Variants in GRIN3A observed in about 807,000 individuals in gnomAD.
The protein encoded by GRIN3A is glutamate ionotropic receptor NMDA type subunit 3A.
Under a neutral mutation model 92.4 loss-of-function variants are expected in GRIN3A, and 47 were observed. The observed-to-expected ratio is 0.51, with a 90% CI of 0.40 to 0.65. The LOEUF (loss-of-function observed/expected upper bound fraction) is 0.65. Ranked by LOEUF, GRIN3A falls within the 30% of genes least tolerant of loss-of-function variation. The probability of loss-of-function intolerance (pLI) is 0.00; values close to 1 mark genes in which losing one functional copy is unlikely to be tolerated. For missense variants in GRIN3A, 1,324 were observed against 1,393.1 expected, an observed-to-expected ratio of 0.95 and a Z score of 0.79; for synonymous variants, 527 against 540.6, an observed-to-expected ratio of 0.97 and a Z score of 0.35.
At chr9:101,625,300 C>A (rs1241527381) in intron 4 of GRIN3A, among the ~76,000 whole-genome samples, 4 of 152,176 alleles carry the variant, frequency 2.6e-5, no homozygotes, top group African/African-American at 9.7e-5. Flanking sequence ...CTCAGTCCTT[C>A]CTCTCTTAGA....
chr9:101,620,509 A>C (rs1192684304), intron 5 of GRIN3A, among the ~76,000 whole-genome samples: 3 of 152,176 alleles, frequency 2.0e-5, no homozygotes, highest in Non-Finnish European at 4.4e-5. Flanking sequence ...GTGACAGTAC[A>C]TTCAGCATGA....
rs553697844 is a variant in GRIN3A, at chr9:101,649,715, G to C, written c.2352+20345C>G. On this transcript the variant is annotated intron_variant, in intron 3 of 8. Transcript: ENST00000361820. ...TATTCAGGGAGGTATTCTTGTTTTT[G>C]AATAGTTTCTAGCTGTATTTTTGTT... Among the ~76,000 whole-genome samples, 65 of 152,096 alleles carry C rather than the reference G, an allele frequency of 4.3e-4. 1 individual carries two copies. In the Middle Eastern group the frequency reaches 0.01, roughly 24 times the overall value.
At chr9:101,640,692 G>A (rs1375283594) in intron 3 of GRIN3A, among the ~76,000 whole-genome samples, 5 of 152,176 alleles carry the variant, frequency 3.3e-5, no homozygotes, top group Non-Finnish European at 5.9e-5. Context: ...AATCATGGGA[G>A]TGGGTCTTTC....
At position 101,691,385 on chromosome 9, in the gene GRIN3A, G is replaced by A. The variant is rs537725105; in HGVS notation, c.700-4185C>T. On this transcript the variant is annotated intron_variant, in intron 1 of 8. Transcript: ENST00000361820. ...ATAATAGGGTCCAGCAAAACTAGGA[G>A]AGGAAGAAGAAACTAGGAAATATTA... 2.6e-5 allele frequency among the ~76,000 whole-genome samples: 4 copies of A among 152,240 alleles called. No homozygotes were observed. In the East Asian group the frequency reaches 5.8e-4, roughly 22 times the overall value.
chr9:101,720,476 C>T (rs1429095050), intron 1 of GRIN3A, among the ~76,000 whole-genome samples: 8 of 152,144 alleles, frequency 5.3e-5, no homozygotes, highest in Non-Finnish European at 1.0e-4. Context: ...CCTCCCGACT[C>T]CATATCCCCT....
chr9:101,674,873 G>C (rs541594029), intron 2 of GRIN3A, among the ~76,000 whole-genome samples: 7 of 152,062 alleles, frequency 4.6e-5, no homozygotes, highest in Non-Finnish European at 8.8e-5. Context: ...AATAACATAG[G>C]GAAAGCAGGT....
intron 6 of GRIN3A, among the ~76,000 whole-genome samples, chr9:101,590,776 C>T (rs1828013566): frequency 6.6e-6 from 1 of 152,114 alleles, no homozygotes; most frequent in African/African-American, 2.4e-5. Flanking sequence ...TATCTCTTAA[C>T]AGAAAGAAAG....
Position 101,686,621 on chromosome 9 carries a change from G to A in GRIN3A, c.1279C>T (p.Leu427Phe). The change falls in exon 2 of 9, where the codon CTC (leucine) becomes TTC (phenylalanine). Residue 427 changes from leucine to phenylalanine, a missense_variant. Transcript: ENST00000361820. Reference protein sequence around the residue: ...MNCMEVETTNLTSGQYLSRFL... With the variant: ...MNCMEVETTNFTSGQYLSRFL... Reference sequence around the variant, plus strand: ...CTTGATAAATATTGTCCTGAAGTGAGATTTGTAGTTTCCACCTCCATGCAG... The same window carrying A: ...CTTGATAAATATTGTCCTGAAGTGAAATTTGTAGTTTCCACCTCCATGCAG... 6.2e-7 allele frequency: 1 copy of A among 1,614,172 alleles called. No individual in the cohort carries two copies. Among genetic ancestry groups the A allele is most frequent in the South Asian group, 1.1e-5 (1 of 91,080 alleles).
intron 1 of GRIN3A, among the ~76,000 whole-genome samples, chr9:101,715,876 A>T (rs1217668644): frequency 6.6e-6 from 1 of 152,210 alleles, no homozygotes; most frequent in East Asian, 1.9e-4. Context: ...AAGGTGGTGA[A>T]ACTGTGAATC....
rs1390674144 is a variant in GRIN3A at position 101,615,764 on chromosome 9, A to G, written c.2615-2237T>C. 2.0e-5 allele frequency among the ~76,000 whole-genome samples: 3 copies of G among 152,156 alleles called. No homozygotes were observed. In the East Asian group the frequency reaches 5.8e-4, roughly 29 times the overall value. ...ACAGTAGAGCCCAGTATGTCCTAGTACTTATTATTAGAATCCAAGGATGAT... is the reference window on the plus strand; with the variant it reads ...ACAGTAGAGCCCAGTATGTCCTAGTGCTTATTATTAGAATCCAAGGATGAT... On this transcript the variant is annotated intron_variant, in intron 5 of 8. Coordinates refer to ENST00000361820, the MANE Select transcript of GRIN3A (RefSeq NM_133445.3).
chr9:101,638,412 T>G (rs1480914530), intron 3 of GRIN3A, among the ~76,000 whole-genome samples: 1 of 152,274 alleles, frequency 6.6e-6, no homozygotes, highest in Admixed American at 6.5e-5. Flanking sequence ...TTTATTCATC[T>G]GGAGCAATCT....
At chr9:101,705,018 G>C (rs1007336522) in intron 1 of GRIN3A, among the ~76,000 whole-genome samples, 1 of 150,454 alleles carries the variant, frequency 6.6e-6, no homozygotes, top group African/African-American at 2.4e-5. Flanking sequence ...TGATAAGGAA[G>C]GGGGGGCAGG....
intron 1 of GRIN3A, among the ~76,000 whole-genome samples, chr9:101,726,899 C>T (rs941451525): frequency 1.3e-5 from 2 of 151,714 alleles, no homozygotes; most frequent in Non-Finnish European, 2.9e-5. Flanking sequence ...TTCAAGTATC[C>T]ATATTTGGGT....
chr9:101,724,702 G>C (rs1830064150), intron 1 of GRIN3A, among the ~76,000 whole-genome samples: 1 of 152,208 alleles, frequency 6.6e-6, no homozygotes, highest in African/African-American at 2.4e-5. Context: ...CGATGTGATG[G>C]GTTTATCAGG....
chr9:101,570,156 C>G lies in GRIN3A; in HGVS notation c.*3018G>C, dbSNP rs930992500. The G allele has an allele frequency of 6.6e-6, 1 of 152,264 alleles. No individual in the cohort carries two copies. The highest frequency in any genetic ancestry group is 3.4e-3 in the Middle Eastern group (1 of 294). 9.4% of individuals were successfully genotyped at this position (152,264 alleles called of 1,614,324 possible). On this transcript the variant is annotated 3_prime_UTR_variant, in exon 9 of 9. Coordinates refer to ENST00000361820, the MANE Select transcript of GRIN3A (RefSeq NM_133445.3). ...TCCTCCACCTGGAAGCATACACACT[C>G]TGGGGCCTTGATTATTCTTATTTAC...
At chr9:101,613,116 TAGAGG>T (rs1828389936) in intron 6 of GRIN3A, among the ~76,000 whole-genome samples, 1 of 152,214 alleles carries the variant, frequency 6.6e-6, no homozygotes, top group Non-Finnish European at 1.5e-5. Context: ...CACTTGTGGA[TAGAGG>T]TTATGGGGAA....
intron 1 of GRIN3A, among the ~76,000 whole-genome samples, chr9:101,700,461 A>C (rs1389296912): frequency 1.3e-5 from 2 of 152,344 alleles, no homozygotes; most frequent in East Asian, 3.9e-4. Flanking sequence ...GAAAGAATTC[A>C]CAAAATTGCT....
intron 3 of GRIN3A, among the ~76,000 whole-genome samples, chr9:101,659,754 T>C (rs1208965653): frequency 6.6e-6 from 1 of 151,864 alleles, no homozygotes; most frequent in Non-Finnish European, 1.5e-5. Context: ...TAGACTTTCA[T>C]TAAGGCAAAC....
At chr9:101,699,191 T>C (rs866411786) in intron 1 of GRIN3A, among the ~76,000 whole-genome samples, 46 of 152,306 alleles carry the variant, frequency 3.0e-4, no homozygotes, top group African/African-American at 1.1e-3. Flanking sequence ...AATAAAGATA[T>C]GAACAGATAT....
Sources: allele counts gnomAD v4.1 joint callset (sites outside exome capture counted in the v4.1 genomes callset), GRCh38; gene constraint gnomAD v4.1.1; transcripts MANE v1.5; gene names NCBI Gene and HGNC (gene_info 2026-07-23, HGNC 2026-07-21).